The following MSL1 variants were observed in gnomAD, a reference collection of about 807,000 sequenced individuals.
MSL1 encodes the protein male-specific lethal 1 homolog.
Under a neutral mutation model 64.6 loss-of-function variants are expected in MSL1, and 21 were observed. The ratio of observed to expected loss-of-function variants is 0.33; its 90% confidence interval spans 0.23 to 0.47. MSL1 has a LOEUF of 0.47. Ranked by LOEUF, MSL1 falls within the 20% of genes least tolerant of loss-of-function variation. MSL1 has a pLI of 1.00. For synonymous variants in MSL1, 339 were observed against 329.6 expected (o/e 1.03, Z -0.31); for missense variants, 664 against 793.2 (o/e 0.84, Z 1.96).
rs191020620 is a variant in MSL1 at position 40,133,250 on chromosome 17, T to C, written c.1556+141T>C. On this transcript the variant is annotated intron_variant, in intron 6 of 8. Coordinates refer to ENST00000398532, the MANE Select transcript of MSL1 (RefSeq NM_001365919.1). ...CTTACATTACTGGCTTCCCAGTTGG[T>C]TGAATATCTTAGTTGGAAATGGTAG... 14 of 826,090 alleles carry C rather than the reference T, an allele frequency of 1.7e-5. No homozygotes were observed. The Admixed American group carries it at 4.0e-4, about 24-fold the overall frequency. The allele number at this position is 826,090 out of a possible 1,614,324, so 51.2% of individuals were successfully genotyped here.
At position 40,133,024 on chromosome 17, in the gene MSL1, C is replaced by T. The variant is rs1465009380; in HGVS notation, c.1489-18C>T. The stretch of plus-strand genomic sequence containing the variant: ...TATATGGTGATAAATAGCTTATCAG[C>T]TGCTTTTCTTTACACAGAACCTGGA... On this transcript the variant is annotated intron_variant, in intron 5 of 8. Coordinates refer to ENST00000398532, the MANE Select transcript of MSL1 (RefSeq NM_001365919.1). 1.2e-6 allele frequency: 2 copies of T among 1,604,446 alleles called. No individual in the cohort carries two copies. Among genetic ancestry groups the T allele is most frequent in the Non-Finnish European group, 8.5e-7 (1 of 1,175,142 alleles).
At position 40,126,289 on chromosome 17, in the gene MSL1, A is replaced by G. The variant is rs374557198; in HGVS notation, c.875A>G (p.Glu292Gly). The change falls in exon 2 of 9, where the codon GAG becomes GGG. Residue 292 changes from glutamate to glycine, a missense_variant. This residue lies in a region of MSL1 where 466 missense variants were observed against 499.0 expected (regional missense o/e 0.93). Transcript: ENST00000398532. The stretch of plus-strand genomic sequence containing the variant: ...CAGGGCTATGAAACTGAAGAGAGAG[A>G]GGAAACAGAGCTATCTGAGAAAATT... The part of the protein sequence containing the change: ...LFQGYETEER[E>G]ETELSEKIKL... 9 of 1,613,914 alleles carry G rather than the reference A, an allele frequency of 5.6e-6. No homozygotes were observed. In the African/African-American group the frequency reaches 9.3e-5, roughly 17 times the overall value.
At position 40,131,743 on chromosome 17, in the gene MSL1, T is replaced by G. The variant is rs1277463225; in HGVS notation, c.1423+159T>G. The G allele has an allele frequency of 1.4e-5, 10 of 730,796 alleles. No homozygotes were observed. Among genetic ancestry groups the G allele is most frequent in the Non-Finnish European group, 2.2e-5 (9 of 414,290 alleles). 45.3% of individuals were successfully genotyped at this position (730,796 alleles called of 1,614,324 possible). A position where few individuals can be genotyped will look rare whatever the true frequency, so the allele number is the denominator to read the frequency against. On this transcript the variant is annotated intron_variant, in intron 4 of 8. Coordinates refer to ENST00000398532, the MANE Select transcript of MSL1 (RefSeq NM_001365919.1). This position sits in a 1 kb window ranked among gnomAD's most constrained non-coding sequence, Gnocchi z 4.5. ...TATAGACTTCAAAATGACAACAAAT[T>G]TCAGTTGTTTTTCAGGAACTGCTAT...
chr17:40,122,522 C>T lies in MSL1; in HGVS notation c.-91C>T. ...GCTGCTGAGGCGAGCCCGCCAAACT[C>T]CCCTCCCCCCCCTCAGTCCTCGACC... On this transcript the variant is annotated 5_prime_UTR_variant, in exon 1 of 9. Coordinates refer to ENST00000398532, the MANE Select transcript of MSL1 (RefSeq NM_001365919.1). The surrounding 1 kb of genome is among the most constrained non-coding windows in gnomAD (Gnocchi z 4.2). 1 of 823,028 alleles carries T rather than the reference C, an allele frequency of 1.2e-6. No individual in the cohort carries two copies. Among genetic ancestry groups the T allele is most frequent in the South Asian group, 2.7e-5 (1 of 37,708 alleles). The allele number at this position is 823,028 out of a possible 1,614,324, so 51.0% of individuals were successfully genotyped here.
At chr17:40,127,339 G>GAAA (rs66944924) in intron 2 of MSL1, among the ~76,000 whole-genome samples, 1 of 97,636 alleles carries the variant, frequency 1.0e-5, no homozygotes, top group South Asian at 3.5e-4. Flanking sequence ...TGTCTCAATT[G>GAAA]AAAAAAAAAA....
intron 1 of MSL1, 54 bp from the exon 2 acceptor site, chr17:40,126,129 T>C: frequency 6.6e-7 from 1 of 1,513,946 alleles, no homozygotes. Flanking sequence ...GCTAAGTATC[T>C]GTGTGTTTAA....
chr17:40,123,471 G>T (rs1004136183), intron 1 of MSL1, 91 bp downstream of exon 1: 22 of 1,321,464 alleles, frequency 1.7e-5, no homozygotes, highest in Non-Finnish European at 2.3e-5. Context: ...GGCACCCCCG[G>T]GTTAGGGGTA....
Position 40,131,623 on chromosome 17 carries a change from G to A in MSL1, c.1423+39G>A. 1 of 1,585,886 alleles carries A rather than the reference G, an allele frequency of 6.3e-7. No homozygotes were observed. The highest frequency in any genetic ancestry group is 1.7e-5 in the Admixed American group (1 of 59,964). On this transcript the variant is annotated intron_variant, in intron 4 of 8. Coordinates refer to ENST00000398532, the MANE Select transcript of MSL1 (RefSeq NM_001365919.1). The surrounding 1 kb of genome is among the most constrained non-coding windows in gnomAD (Gnocchi z 4.5). ...GAATTGTGCTGGCTGGGCCTGGGGT[G>A]GGGGTTGGTGGGATGGTGGATGGTT...
chr17:40,131,959 GAATAGTTGTGC>G lies in MSL1; in HGVS notation c.1424-72_1424-62del. The G allele has an allele frequency of 9.3e-7, 1 of 1,074,152 alleles. No individual in the cohort carries two copies. Among genetic ancestry groups the G allele is most frequent in the Non-Finnish European group, 1.4e-6 (1 of 722,756 alleles). 66.5% of individuals were successfully genotyped at this position (1,074,152 alleles called of 1,614,324 possible). ...CTGGGGAGAGACCTCTTATCCTAGTGAATAGTTGTGCAACTTTGGATTTAAGGGTGGTTCCA... is the reference window on the plus strand; with the variant it reads ...CTGGGGAGAGACCTCTTATCCTAGTGAACTTTGGATTTAAGGGTGGTTCCA... On this transcript the variant is annotated intron_variant, in intron 4 of 8. Transcript: ENST00000398532. This position sits in a 1 kb window ranked among gnomAD's most constrained non-coding sequence, Gnocchi z 4.5.
chr17:40,123,278 C>T lies in MSL1; in HGVS notation c.666C>T (p.Leu222=). Residue 222 remains leucine (L), a synonymous_variant, in exon 1 of 9, where the codon CTC becomes CTT. Transcript: ENST00000398532. The stretch of plus-strand genomic sequence containing the variant: ...GAGCCTCCAGTCAGGCCGCCTGCCT[C>T]AAACAGATCCTTCTGCTGCAATTGG... The part of the protein sequence containing the change: ...GSGASSQAAC[L]KQILLLQLDL... 1 of 1,535,954 alleles carries T rather than the reference C, an allele frequency of 6.5e-7. No homozygotes were observed.
chr17:40,129,823 G>A, intron 3 of MSL1, 196 bp downstream of exon 3: 1 of 591,098 alleles, frequency 1.7e-6, no homozygotes, highest in Non-Finnish European at 2.8e-6. Context: ...TGTGCTCAAT[G>A]TATTTGCCTG....
intron 2 of MSL1, 59 bp downstream of exon 2, chr17:40,126,465 T>C (rs1988318250): frequency 2.0e-6 from 3 of 1,470,000 alleles, no homozygotes; most frequent in Non-Finnish European, 2.8e-6. Context: ...GAGTAGGAGA[T>C]TGGGATTTAT....
Position 40,129,496 on chromosome 17 carries a change from CCTT to C in MSL1, c.1247_1249del (p.Phe416del). On this transcript the variant is annotated inframe_deletion, in exon 3 of 9. Transcript: ENST00000398532. ...CCCAGCACCCATCCCAAGGAGAAAG[CCTT>C]CTCAAGTGAGATAGAAGATTTGCCG... 4 of 1,613,910 alleles carry C rather than the reference CCTT, an allele frequency of 2.5e-6. No homozygotes were observed. In the Middle Eastern group the frequency reaches 6.6e-4, roughly 266 times the overall value.
At position 40,132,020 on chromosome 17, in the gene MSL1, CTCTT is replaced by C. The variant is rs775191556; in HGVS notation, c.1424-12_1424-9del. The C allele has an allele frequency of 3.1e-5, 49 of 1,573,370 alleles. No homozygotes were observed. Among genetic ancestry groups the C allele is most frequent in the East Asian group, 2.3e-4 (10 of 43,734 alleles). ...ACCCCTCCTCCCTTTCTTTTTCTCT[CTCTT>C]TTTTTTCAGTTCCTTCTTGGAGGGA... On this transcript the variant is annotated splice_polypyrimidine_tract_variant and intron_variant, in intron 4 of 8. Transcript: ENST00000398532.
In MSL1 at chr17:40,131,928, T is replaced by C; in HGVS notation, c.1424-106T>C. ...GGATTCCTATCACTTGGTAACTTTG[T>C]CTCTTCTGGGGAGAGACCTCTTATC... On this transcript the variant is annotated intron_variant, in intron 4 of 8. Coordinates refer to ENST00000398532, the MANE Select transcript of MSL1 (RefSeq NM_001365919.1). The surrounding 1 kb of genome is among the most constrained non-coding windows in gnomAD (Gnocchi z 4.5). 1 of 791,928 alleles carries C rather than the reference T, an allele frequency of 1.3e-6. No individual in the cohort carries two copies. The highest frequency in any genetic ancestry group is 2.1e-6 in the Non-Finnish European group (1 of 486,368). The allele number at this position is 791,928 out of a possible 1,614,324, so 49.1% of individuals were successfully genotyped here.
At position 40,126,341 on chromosome 17, in the gene MSL1, C is replaced by T. The variant is rs764855574; in HGVS notation, c.927C>T (p.Ser309=). The T allele has an allele frequency of 5.0e-6, 8 of 1,613,874 alleles. No individual in the cohort carries two copies. The East Asian group carries it at 6.7e-5, about 13-fold the overall frequency. The change falls in exon 2 of 9, where the codon TCC becomes TCT. Residue 309 remains serine (S), a synonymous_variant. Coordinates refer to ENST00000398532, the MANE Select transcript of MSL1 (RefSeq NM_001365919.1). The part of the protein sequence containing the change: ...KIKLECQPEL[S]ETSQTLPPKP... ...AACTGGAGTGCCAGCCGGAGCTTTC[C>T]GAGACATCCCAGACTCTGCCTCCCA... is the stretch of plus-strand genomic sequence containing the variant.
rs1988537427 is a variant in MSL1 at position 40,136,234 on chromosome 17, CCAT to C, written c.*1866_*1868del. 6.6e-6 allele frequency: 1 copy of C among 152,288 alleles called. No individual in the cohort carries two copies. Among genetic ancestry groups the C allele is most frequent in the Non-Finnish European group, 1.5e-5 (1 of 68,036 alleles). The allele number at this position is 152,288 out of a possible 1,614,324, so 9.4% of individuals were successfully genotyped here. ...TTTGGGTATGAGTTAGCAAATTTAA[CCAT>C]TGTGTTTGTGCCCTACCCAGGGGAC... is the stretch of plus-strand genomic sequence containing the variant. On this transcript the variant is annotated 3_prime_UTR_variant, in exon 9 of 9. Coordinates refer to ENST00000398532, the MANE Select transcript of MSL1 (RefSeq NM_001365919.1).
In MSL1 at chr17:40,126,523, G is replaced by A. The variant is rs185178155; in HGVS notation, c.992+117G>A. 74 of 955,454 alleles carry A rather than the reference G, an allele frequency of 7.7e-5. No individual in the cohort carries two copies. In the African/African-American group the frequency reaches 1.0e-3, roughly 13 times the overall value. The allele number at this position is 955,454 out of a possible 1,614,324, so 59.2% of individuals were successfully genotyped here. A position where few individuals can be genotyped will look rare whatever the true frequency, so the allele number is the denominator to read the frequency against. On this transcript the variant is annotated intron_variant, in intron 2 of 8. Coordinates refer to ENST00000398532, the MANE Select transcript of MSL1 (RefSeq NM_001365919.1). ...AACTTGCTTTAGAAGTCTTCTATGCGGAGGGCCGGGTGTGGTGGCTCACAC... is the reference window on the plus strand; with the variant it reads ...AACTTGCTTTAGAAGTCTTCTATGCAGAGGGCCGGGTGTGGTGGCTCACAC...
At position 40,122,523 on chromosome 17, in the gene MSL1, C is replaced by T. The variant is rs1421327781; in HGVS notation, c.-90C>T. ...CTGCTGAGGCGAGCCCGCCAAACTC[C>T]CCTCCCCCCCCTCAGTCCTCGACCC... On this transcript the variant is annotated 5_prime_UTR_variant, in exon 1 of 9. Transcript: ENST00000398532. This position sits in a 1 kb window ranked among gnomAD's most constrained non-coding sequence, Gnocchi z 4.2. The T allele has an allele frequency of 2.2e-6, 2 of 894,564 alleles. No homozygotes were observed. The highest frequency in any genetic ancestry group is 3.1e-6 in the Non-Finnish European group (2 of 652,000). 55.4% of individuals were successfully genotyped at this position (894,564 alleles called of 1,614,324 possible). A position where few individuals can be genotyped will look rare whatever the true frequency, so the allele number is the denominator to read the frequency against.
Sources: gnomAD v4.1 joint callset for allele counts (sites outside exome capture counted in the v4.1 genomes callset) on GRCh38, gnomAD v4.1.1 for gene constraint, gnomAD v4.1.1 regional missense constraint, Gnocchi (gnomAD v3.1) non-coding constraint, MANE v1.5 for transcripts, NCBI Gene and HGNC (gene_info 2026-07-23, HGNC 2026-07-21) for gene names.